Variants in TEX10 observed in about 807,000 individuals in gnomAD.
TEX10 encodes testis-expressed protein 10.
Under a neutral mutation model 104.4 loss-of-function variants are expected in TEX10, and 24 were observed. That is an observed-to-expected ratio of 0.23 (90% CI 0.17 to 0.32). TEX10 has a LOEUF of 0.32. Among genes scored for constraint, TEX10 ranks in the 10% least tolerant of loss-of-function variants. TEX10 has a pLI of 1.00. For missense variants in TEX10, 921 were observed against 1,083.9 expected, an observed-to-expected ratio of 0.85 and a Z score of 2.11; for synonymous variants, 396 against 393.4, an observed-to-expected ratio of 1.01 and a Z score of -0.08.
chr9:100,304,263 G>A, intron 13 of TEX10: 1 of 219,826 alleles, frequency 4.5e-6, no homozygotes, highest in Middle Eastern at 1.9e-3. Context: ...AAATTCACAT[G>A]GAACCAAAAA....
intron 5 of TEX10, 130 bp downstream of exon 5, chr9:100,340,126 CT>C: frequency 2.1e-6 from 1 of 469,690 alleles, no homozygotes; most frequent in South Asian, 7.5e-5. Context: ...CATATTACTA[CT>C]TTTATTTTCA....
intron 12 of TEX10, 85 bp downstream of exon 12, chr9:100,310,214 T>C (rs1374306544): frequency 8.5e-6 from 9 of 1,061,618 alleles, no homozygotes; most frequent in East Asian, 4.9e-5. Flanking sequence ...ATTCCAGACA[T>C]GCTCTTTCTG....
At position 100,347,205 on chromosome 9, in the gene TEX10, T is replaced by TG; in HGVS notation, c.381dup (p.Lys128GlnfsTer5). 1 of 1,614,078 alleles carries TG rather than the reference T, an allele frequency of 6.2e-7. No individual in the cohort carries two copies. The highest frequency in any genetic ancestry group is 8.5e-7 in the Non-Finnish European group (1 of 1,179,968). On this transcript the variant is annotated frameshift_variant, in exon 3 of 15. Transcript: ENST00000374902. LOFTEE classifies it high-confidence loss of function. ...GGAGAAATTTGTTCAGCTCGTATTT[T>TG]GGGGGCCAGGAATTGAAGAAGTTGA...
At chr9:100,308,476 G>A (rs1834194668) in intron 13 of TEX10, 24 bp downstream of exon 13, 1 of 1,559,476 alleles carries the variant, frequency 6.4e-7, no homozygotes, top group Non-Finnish European at 8.6e-7. Flanking sequence ...GGAAAATTAA[G>A]GTTGAAGAAT....
chr9:100,326,262 A>T, intron 9 of TEX10, 40 bp downstream of exon 9: 1 of 1,582,054 alleles, frequency 6.3e-7, no homozygotes, highest in South Asian at 1.1e-5. Context: ...AAGGGGAAAA[A>T]GATTATACAC....
intron 13 of TEX10, chr9:100,306,400 G>A (rs531051663): frequency 6.6e-6 from 1 of 152,162 alleles, no homozygotes; most frequent in Non-Finnish European, 1.5e-5. Context: ...AAGATAAAGA[G>A]AGAACAGTAA....
chr9:100,322,884 G>T (rs1834606047), intron 9 of TEX10, among the ~76,000 whole-genome samples: 1 of 152,228 alleles, frequency 6.6e-6, no homozygotes, highest in South Asian at 2.1e-4. Context: ...CCAGAGTTCT[G>T]GGATTACAGT....
At chr9:100,339,327 TTTATATA>T (rs1835108640) in intron 5 of TEX10, among the ~76,000 whole-genome samples, 1 of 139,070 alleles carries the variant, frequency 7.2e-6, no homozygotes, top group Non-Finnish European at 1.5e-5. Flanking sequence ...TTTATATATA[TTTATATA>T]TTATATATAA....
At chr9:100,312,088 G>GA (rs1834297192) in intron 11 of TEX10, among the ~76,000 whole-genome samples, 1 of 152,094 alleles carries the variant, frequency 6.6e-6, no homozygotes, top group Non-Finnish European at 1.5e-5. Flanking sequence ...GTAACAATGA[G>GA]AAAAAACTCA....
chr9:100,347,439 C>G (rs561479468), intron 2 of TEX10, 33 bp from the exon 3 acceptor site: 1 of 1,449,780 alleles, frequency 6.9e-7, no homozygotes, highest in African/African-American at 1.4e-5. Flanking sequence ...TAGATGTATA[C>G]TTATATACAT....
chr9:100,328,361 C>T (rs991501411), intron 7 of TEX10, among the ~76,000 whole-genome samples: 1 of 152,154 alleles, frequency 6.6e-6, no homozygotes, highest in Non-Finnish European at 1.5e-5. Context: ...TCTTGAATAA[C>T]AGTGAACATT....
At position 100,347,227 on chromosome 9, in the gene TEX10, T is replaced by A. The variant is rs759407345; in HGVS notation, c.360A>T (p.Gln120His). Reference protein sequence around the residue: ...KDANVRLAAVQLLQFLAPKIR... With the variant: ...KDANVRLAAVHLLQFLAPKIR... ...TTTTGGGGGCCAGGAATTGAAGAAG[T>A]TGAACTGCTGCTAATCGTACATTAG... The change falls in exon 3 of 15, where the codon CAA (glutamine) becomes CAT (histidine). Residue 120 changes from glutamine to histidine, a missense_variant. Physicochemically the swap from Gln to His is conservative, Grantham distance 24. Coordinates refer to ENST00000374902, the MANE Select transcript of TEX10 (RefSeq NM_017746.4). The A allele has an allele frequency of 6.2e-7, 1 of 1,614,144 alleles. No homozygotes were observed.
At chr9:100,312,050 T>C (rs1307209388) in intron 11 of TEX10, among the ~76,000 whole-genome samples, 5 of 152,258 alleles carry the variant, frequency 3.3e-5, no homozygotes, top group Admixed American at 3.3e-4. Context: ...CCAGATATTT[T>C]ACTTGGTAAC....
intron 4 of TEX10, among the ~76,000 whole-genome samples, chr9:100,344,833 C>A (rs1015737510): frequency 2.0e-5 from 3 of 151,962 alleles, no homozygotes; most frequent in Non-Finnish European, 4.4e-5. Flanking sequence ...GCAACAAGAG[C>A]GAAACTATGT....
chr9:100,324,215 T>C (rs1304520048), intron 9 of TEX10, among the ~76,000 whole-genome samples: 7 of 152,096 alleles, frequency 4.6e-5, no homozygotes, highest in African/African-American at 1.7e-4. Flanking sequence ...GTATTTTTAA[T>C]AGAGATGGGG....
chr9:100,344,601 T>C (rs962928574), intron 4 of TEX10, among the ~76,000 whole-genome samples: 1 of 152,176 alleles, frequency 6.6e-6, no homozygotes, highest in Non-Finnish European at 1.5e-5. Context: ...ACCCAACACT[T>C]TGGGAGGCTG....
chr9:100,314,298 G>C (rs1211176014), intron 11 of TEX10, among the ~76,000 whole-genome samples: 1 of 152,064 alleles, frequency 6.6e-6, no homozygotes, highest in Non-Finnish European at 1.5e-5. Context: ...ATATTGCTCA[G>C]GCTGGTCTTG....
At chr9:100,334,713 A>G (rs1416404887) in intron 5 of TEX10, among the ~76,000 whole-genome samples, 1 of 149,638 alleles carries the variant, frequency 6.7e-6, no homozygotes, top group Admixed American at 6.7e-5. Flanking sequence ...CACCCAGGCC[A>G]GAGTACAGTG....
intron 13 of TEX10, chr9:100,304,260 C>T: frequency 8.9e-6 from 2 of 224,276 alleles, no homozygotes; most frequent in East Asian, 2.1e-4. Context: ...CTAAAATTCA[C>T]ATGGAACCAA....
Sources: allele counts gnomAD v4.1 joint callset (sites outside exome capture counted in the v4.1 genomes callset), GRCh38; gene constraint gnomAD v4.1.1; transcripts MANE v1.5; gene names NCBI Gene and HGNC (gene_info 2026-07-23, HGNC 2026-07-21).